Variants in SINHCAF observed in about 807,000 individuals in gnomAD.
SINHCAF encodes SIN3-HDAC complex-associated factor.
In SINHCAF, 3 loss-of-function variants were observed where a neutral mutation model predicts 25.8. That is an observed-to-expected ratio of 0.12 (90% CI 0.05 to 0.30). The LOEUF (loss-of-function observed/expected upper bound fraction) is 0.30, where lower values mean the gene tolerates loss of function less well. Among genes scored for constraint, SINHCAF ranks in the 10% least tolerant of loss-of-function variants. The pLI is 1.00. For synonymous variants in SINHCAF, 70 were observed against 85.5 expected, an observed-to-expected ratio of 0.82 and a Z score of 1.00; for missense variants, 121 against 262.3, an observed-to-expected ratio of 0.46 and a Z score of 3.72.
chr12:31,293,389 T>C (rs984750210), intron 4 of SINHCAF, among the ~76,000 whole-genome samples: 1 of 152,246 alleles, frequency 6.6e-6, no homozygotes, highest in Admixed American at 6.5e-5. Context: ...AATTTCAATA[T>C]GTGCGTTATG....
In SINHCAF at chr12:31,282,171, A is replaced by T. The variant is rs1937831338; in HGVS notation, c.*541T>A. On this transcript the variant is annotated 3_prime_UTR_variant, in exon 6 of 6. Transcript: ENST00000337682. ...AACAAATCCCATCTCTGTCCCCTGAAATTCCCCTAGTTTCATTCATTAGAA... is the reference window on the plus strand; with the variant it reads ...AACAAATCCCATCTCTGTCCCCTGATATTCCCCTAGTTTCATTCATTAGAA... 1 of 152,400 alleles carries T rather than the reference A, an allele frequency of 6.6e-6. No individual in the cohort carries two copies. The highest frequency in any genetic ancestry group is 2.4e-5 in the African/African-American group (1 of 41,394). 9.4% of individuals were successfully genotyped at this position (152,400 alleles called of 1,614,324 possible).
At chr12:31,292,396 G>A (rs1938364144) in intron 4 of SINHCAF, among the ~76,000 whole-genome samples, 1 of 152,004 alleles carries the variant, frequency 6.6e-6, no homozygotes, top group Non-Finnish European at 1.5e-5. Flanking sequence ...CTACTCAGGA[G>A]GCTGAGGCAC....
chr12:31,297,184 T>G (rs1359405506), intron 2 of SINHCAF: 1 of 283,560 alleles, frequency 3.5e-6, no homozygotes, highest in African/African-American at 2.2e-5. Context: ...AAAAGGTCTG[T>G]GCCAACCATG....
intron 1 of SINHCAF, among the ~76,000 whole-genome samples, chr12:31,319,194 G>A (rs189355992): frequency 6.6e-6 from 1 of 152,278 alleles, no homozygotes; most frequent in East Asian, 1.9e-4. Context: ...CCAAACCTCA[G>A]GAAAGTTCCT....
At chr12:31,314,101 G>A (rs1009195826) in intron 1 of SINHCAF, among the ~76,000 whole-genome samples, 12 of 152,090 alleles carry the variant, frequency 7.9e-5, no homozygotes, top group African/African-American at 2.9e-4. Flanking sequence ...TTGCTGCCAG[G>A]GTAGGTGGAA....
chr12:31,283,855 TACACACACACACACACACAC>T (rs57162055), intron 5 of SINHCAF, among the ~76,000 whole-genome samples: 1 of 140,480 alleles, frequency 7.1e-6, no homozygotes, highest in Admixed American at 7.2e-5. Context: ...AGTTATCCAT[TACACACACACACACACACAC>T]ACACACACAC....
chr12:31,296,573 T>A (rs1202191931), intron 2 of SINHCAF, among the ~76,000 whole-genome samples: 1 of 151,938 alleles, frequency 6.6e-6, no homozygotes. Context: ...ACTGTAGTTT[T>A]AAAAAATGAA....
chr12:31,320,097 C>CAA (rs1355572134), intron 1 of SINHCAF, among the ~76,000 whole-genome samples: 2 of 152,280 alleles, frequency 1.3e-5, no homozygotes, highest in Admixed American at 1.3e-4. Flanking sequence ...AACTGACTTC[C>CAA]CTACATCCTT....
At position 31,299,319 on chromosome 12, in the gene SINHCAF, A is replaced by AAATT. The variant is rs61080173; in HGVS notation, c.-20-1096_-20-1095insAATT. 2.5e-3 allele frequency among the ~76,000 whole-genome samples: 374 copies of AAATT among 151,248 alleles called. 1 individual carries two copies. Among genetic ancestry groups the AAATT allele is most frequent in the African/African-American group, 8.5e-3 (348 of 40,714 alleles). On this transcript the variant is annotated intron_variant, in intron 1 of 5. Transcript: ENST00000337682. ...ACATAAAGCAACAATAAAAGAAAAAAATTTTTTTTTTTTTGGAGACAGAGT... is the reference window on the plus strand; with the variant it reads ...ACATAAAGCAACAATAAAAGAAAAAAAATTATTTTTTTTTTTTTGGAGACAGAGT...
At position 31,325,917 on chromosome 12, in the gene SINHCAF, G is replaced by A. The variant is rs1939958147; in HGVS notation, c.-21+107C>T. 1 of 152,168 alleles carries A rather than the reference G, an allele frequency of 6.6e-6. No individual in the cohort carries two copies. 9.4% of individuals were successfully genotyped at this position (152,168 alleles called of 1,614,324 possible). On this transcript the variant is annotated intron_variant, in intron 1 of 5. Coordinates refer to ENST00000337682, the MANE Select transcript of SINHCAF (RefSeq NM_001135812.2). The surrounding 1 kb of genome is among the most constrained non-coding windows in gnomAD (Gnocchi z 5.9). ...AAGACAAAACTTCCTGTGTGTATGT[G>A]GAAGGACGGGGGGAGGTGGGTGGAG...
intron 4 of SINHCAF, among the ~76,000 whole-genome samples, chr12:31,290,201 G>GT (rs1164558563): frequency 5.3e-5 from 8 of 152,260 alleles, no homozygotes; most frequent in African/African-American, 1.7e-4. Flanking sequence ...CCAGGCTGGA[G>GT]TGCAGTGGCT....
chr12:31,324,589 TG>T lies in SINHCAF; in HGVS notation c.-21+1434del, dbSNP rs1198171562. On this transcript the variant is annotated intron_variant, in intron 1 of 5. Transcript: ENST00000337682. This position sits in a 1 kb window ranked among gnomAD's most constrained non-coding sequence, Gnocchi z 5.5. ...GCCCGAACTTCGAGGGCCTCCGACC[TG>T]CACGGCCCTACGCCCAGGCGGCGGC... The T allele has an allele frequency of 1.4e-5, 3 of 208,590 alleles. No homozygotes were observed. Among genetic ancestry groups the T allele is most frequent in the Non-Finnish European group, 3.0e-5 (3 of 100,320 alleles). 12.9% of individuals were successfully genotyped at this position (208,590 alleles called of 1,614,324 possible).
intron 5 of SINHCAF, among the ~76,000 whole-genome samples, chr12:31,287,375 T>A (rs1248939913): frequency 6.6e-6 from 1 of 152,202 alleles, no homozygotes; most frequent in Non-Finnish European, 1.5e-5. Flanking sequence ...TTACTGATTC[T>A]CTCCACTGCA....
chr12:31,316,226 C>T (rs1939491296), intron 1 of SINHCAF, among the ~76,000 whole-genome samples: 1 of 150,992 alleles, frequency 6.6e-6, no homozygotes, highest in Admixed American at 6.6e-5. Flanking sequence ...ACCAAATAAA[C>T]TGAATATCCC....
At chr12:31,322,789 T>A (rs1334304660) in intron 1 of SINHCAF, among the ~76,000 whole-genome samples, 1 of 152,176 alleles carries the variant, frequency 6.6e-6, no homozygotes, top group Admixed American at 6.5e-5. Context: ...GCCTTACACA[T>A]GATTCAAATG....
At position 31,324,959 on chromosome 12, in the gene SINHCAF, C is replaced by T. The variant is rs1049592583; in HGVS notation, c.-21+1065G>A. The stretch of plus-strand genomic sequence containing the variant: ...AAACCACATTGTCCTGCCGGCCGGA[C>T]CTGCCCGACGGCGGCCGCATCCCAC... On this transcript the variant is annotated intron_variant, in intron 1 of 5. Transcript: ENST00000337682. This position sits in a 1 kb window ranked among gnomAD's most constrained non-coding sequence, Gnocchi z 5.5. The T allele has an allele frequency of 6.6e-6, 3 of 456,436 alleles. No individual in the cohort carries two copies. Among genetic ancestry groups the T allele is most frequent in the Admixed American group, 4.7e-5 (2 of 42,554 alleles). 28.3% of individuals were successfully genotyped at this position (456,436 alleles called of 1,614,324 possible). A position where few individuals can be genotyped will look rare whatever the true frequency, so the allele number is the denominator to read the frequency against.
chr12:31,300,159 C>T (rs896396636), intron 1 of SINHCAF, among the ~76,000 whole-genome samples: 1 of 152,076 alleles, frequency 6.6e-6, no homozygotes, highest in Non-Finnish European at 1.5e-5. Context: ...AACCAAATAT[C>T]CAGGCTTTTT....
In SINHCAF at chr12:31,324,631, C is replaced by T. The variant is rs1274896206; in HGVS notation, c.-21+1393G>A. Reference sequence around the variant, plus strand: ...AGGCGGCGGCCCCGAGCGCCGGGGGCCCGCACGGGCACATGCAGCCCTTTG... The same window carrying T: ...AGGCGGCGGCCCCGAGCGCCGGGGGTCCGCACGGGCACATGCAGCCCTTTG... On this transcript the variant is annotated intron_variant, in intron 1 of 5. Transcript: ENST00000337682. The surrounding 1 kb of genome is among the most constrained non-coding windows in gnomAD (Gnocchi z 5.5). The T allele has an allele frequency of 7.7e-6, 2 of 259,110 alleles. No homozygotes were observed. Among genetic ancestry groups the T allele is most frequent in the African/African-American group, 2.3e-5 (1 of 43,444 alleles). The allele number at this position is 259,110 out of a possible 1,614,324, so 16.1% of individuals were successfully genotyped here. A position where few individuals can be genotyped will look rare whatever the true frequency, so the allele number is the denominator to read the frequency against.
At chr12:31,311,915 G>A (rs922190619) in intron 1 of SINHCAF, 2 of 555,464 alleles carry the variant, frequency 3.6e-6, no homozygotes, top group Non-Finnish European at 7.0e-6. Context: ...TTAATGACTA[G>A]TATCTTTTCA....
Sources: allele counts gnomAD v4.1 joint callset (sites outside exome capture counted in the v4.1 genomes callset), GRCh38; gene constraint gnomAD v4.1.1; non-coding constraint Gnocchi (gnomAD v3.1); transcripts MANE v1.5; gene names NCBI Gene and HGNC (gene_info 2026-07-23, HGNC 2026-07-21).